Variants in MARK1 observed in about 807,000 individuals in gnomAD.
MARK1 encodes the protein serine/threonine-protein kinase MARK1.
A neutral mutation model predicts 96.3 loss-of-function variants in MARK1; 40 were observed. The observed-to-expected ratio is 0.42, with a 90% CI of 0.32 to 0.54. The LOEUF is 0.54. Among genes scored for constraint, MARK1 ranks in the 20% least tolerant of loss-of-function variants. The pLI is 0.16. For synonymous variants in MARK1, 317 were observed against 341.2 expected, an observed-to-expected ratio of 0.93 and a Z score of 0.78; for missense variants, 719 against 984.6, an observed-to-expected ratio of 0.73 and a Z score of 3.61.
chr1:220,587,809 G>GT (rs1664745600), intron 3 of MARK1, among the ~76,000 whole-genome samples: 1 of 151,386 alleles, frequency 6.6e-6, no homozygotes, highest in Non-Finnish European at 1.5e-5. Flanking sequence ...ATTTTATTTT[G>GT]TTTTTCTAGT....
At chr1:220,539,027 G>T (rs1458571028) in intron 1 of MARK1, among the ~76,000 whole-genome samples, 1 of 152,118 alleles carries the variant, frequency 6.6e-6, no homozygotes, top group African/African-American at 2.4e-5. Flanking sequence ...CGGACAATTT[G>T]ACTTCCTCTT....
At chr1:220,595,598 G>T (rs566582406) in intron 3 of MARK1, among the ~76,000 whole-genome samples, 1 of 152,310 alleles carries the variant, frequency 6.6e-6, no homozygotes, top group East Asian at 1.9e-4. Context: ...GAGGTAAATA[G>T]GATCTTGATT....
At chr1:220,547,359 T>G (rs1201141792) in intron 1 of MARK1, among the ~76,000 whole-genome samples, 1 of 152,154 alleles carries the variant, frequency 6.6e-6, no homozygotes, top group East Asian at 1.9e-4. Flanking sequence ...CGGAAGAAAG[T>G]CTTGAATAGA....
intron 1 of MARK1, among the ~76,000 whole-genome samples, chr1:220,548,079 A>C (rs1933001): frequency 0.59 from 89,198 of 152,156 alleles, 27,509 homozygotes; most frequent in Non-Finnish European, 0.68. Context: ...ACATAGCAGC[A>C]ACTCATTGGA....
chr1:220,657,944 A>G, intron 17 of MARK1, 110 bp downstream of exon 17: 1 of 732,634 alleles, frequency 1.4e-6, no homozygotes, highest in Non-Finnish European at 2.0e-6. Flanking sequence ...ACTAGATAGC[A>G]TGCGTATTTT....
chr1:220,573,128 A>G (rs967703812), intron 1 of MARK1, among the ~76,000 whole-genome samples: 3 of 150,828 alleles, frequency 2.0e-5, no homozygotes, highest in Non-Finnish European at 4.4e-5. Context: ...GGGTTTTTTT[A>G]TTTGTTTGTT....
At chr1:220,605,126 A>G (rs1051967022) in intron 6 of MARK1, among the ~76,000 whole-genome samples, 5 of 152,166 alleles carry the variant, frequency 3.3e-5, no homozygotes, top group African/African-American at 1.2e-4. Flanking sequence ...AAGGGAGGGG[A>G]GGAAAAAGCC....
At chr1:220,596,570 G>A (rs537456496) in intron 3 of MARK1, among the ~76,000 whole-genome samples, 18 of 152,238 alleles carry the variant, frequency 1.2e-4, no homozygotes, top group African/African-American at 4.1e-4. Context: ...CTGGGTTTAT[G>A]TAGGAATTAT....
chr1:220,644,452 C>G lies in MARK1; in HGVS notation c.1471-6168C>G, dbSNP rs1269080610. 4.1e-4 allele frequency among the ~76,000 whole-genome samples: 35 copies of G among 85,696 alleles called. 2 individuals carry two copies. The highest frequency in any genetic ancestry group is 2.0e-3 in the Admixed American group (18 of 8,786). 56.2% of individuals were successfully genotyped at this position (85,696 alleles called of 152,430 possible). A position where few individuals can be genotyped will look rare whatever the true frequency, so the allele number is the denominator to read the frequency against. ...AAAGACCTACAAAGAGACTTAGACC[C>G]CCCCCCCCCCACACACACACAATAA... On this transcript the variant is annotated intron_variant, in intron 13 of 17. Coordinates refer to ENST00000366917, the MANE Select transcript of MARK1 (RefSeq NM_018650.5).
At chr1:220,551,378 A>G (rs1045172369) in intron 1 of MARK1, among the ~76,000 whole-genome samples, 4 of 152,168 alleles carry the variant, frequency 2.6e-5, no homozygotes, top group African/African-American at 9.7e-5. Context: ...GACCATAGAG[A>G]GAAGGGAATT....
chr1:220,655,958 C>T (rs1037940249), intron 16 of MARK1, among the ~76,000 whole-genome samples: 1 of 152,164 alleles, frequency 6.6e-6, no homozygotes, highest in African/African-American at 2.4e-5. Flanking sequence ...ACTGCTTTGG[C>T]ATTGTGTACC....
rs763923587 is a variant in MARK1 at position 220,615,951 on chromosome 1, G to C, written c.508G>C (p.Val170Leu). 5 of 1,554,124 alleles carry C rather than the reference G, an allele frequency of 3.2e-6. No homozygotes were observed. Among genetic ancestry groups the C allele is most frequent in the Admixed American group, 1.7e-5 (1 of 58,018 alleles). Reference sequence around the variant, plus strand: ...ATGTTTATTCCAGATTGTATCTGCTGTACAGTATTGTCATCAAAAGTACAT... The same window carrying C: ...ATGTTTATTCCAGATTGTATCTGCTCTACAGTATTGTCATCAAAAGTACAT... ...RAKFRQIVSA[V>L]QYCHQKYIVH... Residue 170 changes from valine to leucine, a missense_variant, in exon 7 of 18, where the codon GTA becomes CTA. Physicochemically the swap from Val to Leu is conservative, Grantham distance 32. Transcript: ENST00000366917.
At position 220,654,967 on chromosome 1, in the gene MARK1, T is replaced by C. The variant is rs1038313010; in HGVS notation, c.1988+1615T>C. ...GATTGCCATATAGTCTTTGAACACA[T>C]ATGTGGAGACCTACTACACGCAAGG... is the stretch of plus-strand genomic sequence containing the variant. On this transcript the variant is annotated intron_variant, in intron 16 of 17. Coordinates refer to ENST00000366917, the MANE Select transcript of MARK1 (RefSeq NM_018650.5). The surrounding 1 kb of genome is among the most constrained non-coding windows in gnomAD (Gnocchi z 4.0). Among the ~76,000 whole-genome samples the C allele has an allele frequency of 2.0e-5, 3 of 152,226 alleles. No individual in the cohort carries two copies. The highest frequency in any genetic ancestry group is 6.5e-5 in the Admixed American group (1 of 15,290).
At chr1:220,586,417 T>G (rs1389504181) in intron 3 of MARK1, among the ~76,000 whole-genome samples, 1 of 152,208 alleles carries the variant, frequency 6.6e-6, no homozygotes, top group Non-Finnish European at 1.5e-5. Context: ...CAGGGAAACC[T>G]TTCCTATTCC....
Position 220,618,285 on chromosome 1 carries a change from G to T in MARK1, c.553-25G>T. 1.4e-6 allele frequency: 2 copies of T among 1,393,410 alleles called. No individual in the cohort carries two copies. Among genetic ancestry groups the T allele is most frequent in the Middle Eastern group, 1.8e-4 (1 of 5,594 alleles). The allele number at this position is 1,393,410 out of a possible 1,614,324, so 86.3% of individuals were successfully genotyped here. On this transcript the variant is annotated intron_variant, in intron 7 of 17. Coordinates refer to ENST00000366917, the MANE Select transcript of MARK1 (RefSeq NM_018650.5). The surrounding 1 kb of genome is among the most constrained non-coding windows in gnomAD (Gnocchi z 4.6). ...TTATTTTATGTAGGCTTTTTACATT[G>T]TTCTTTCTATTATTTTCCTCTTAGG...
chr1:220,568,754 C>A (rs1457571541), intron 1 of MARK1, among the ~76,000 whole-genome samples: 1 of 152,120 alleles, frequency 6.6e-6, no homozygotes, highest in Non-Finnish European at 1.5e-5. Flanking sequence ...GGCACATGTA[C>A]ACATATACAC....
chr1:220,539,831 G>GT lies in MARK1; in HGVS notation c.51+10967dup, dbSNP rs889301665. 6.6e-5 allele frequency among the ~76,000 whole-genome samples: 10 copies of GT among 150,478 alleles called. No homozygotes were observed. In the East Asian group the frequency reaches 9.7e-4, roughly 15 times the overall value. ...TATGCATTAGGGATATTGACTTGTA[G>GT]TTTTTTTTTCCTGTAGTGACTTTTT... On this transcript the variant is annotated intron_variant, in intron 1 of 17. Transcript: ENST00000366917.
chr1:220,593,779 C>A (rs900204399), intron 3 of MARK1, among the ~76,000 whole-genome samples: 1 of 152,150 alleles, frequency 6.6e-6, no homozygotes, highest in Non-Finnish European at 1.5e-5. Flanking sequence ...ACTACCTGCT[C>A]AGACCAAGGG....
At chr1:220,551,541 G>A (rs1661852876) in intron 1 of MARK1, among the ~76,000 whole-genome samples, 1 of 152,082 alleles carries the variant, frequency 6.6e-6, no homozygotes, top group Non-Finnish European at 1.5e-5. Flanking sequence ...TTAATCTTTA[G>A]CCTAACATGA....
Sources: allele counts gnomAD v4.1 joint callset (sites outside exome capture counted in the v4.1 genomes callset), GRCh38; gene constraint gnomAD v4.1.1; non-coding constraint Gnocchi (gnomAD v3.1); transcripts MANE v1.5; gene names NCBI Gene and HGNC (gene_info 2026-07-23, HGNC 2026-07-21).